Variants in GAD1 observed in about 807,000 individuals in gnomAD.
The protein encoded by GAD1 is 67 kDa glutamic acid decarboxylase.
GAD1 carries 35 observed loss-of-function variants against 75.2 expected under a neutral mutation model. That is an observed-to-expected ratio of 0.47 (90% CI 0.36 to 0.62). GAD1 has a LOEUF of 0.62. Ranked by LOEUF, GAD1 falls within the 20% of genes least tolerant of loss-of-function variation. The pLI, the probability that GAD1 is intolerant of heterozygous loss-of-function variation, is 0.00. For synonymous variants in GAD1, 257 were observed against 271.9 expected, an observed-to-expected ratio of 0.95 and a Z score of 0.54; for missense variants, 490 against 758.5, an observed-to-expected ratio of 0.65 and a Z score of 4.16.
chr2:170,848,496 CA>C (rs368907107), intron 11 of GAD1, among the ~76,000 whole-genome samples: 1,965 of 63,998 alleles, frequency 0.031, 30 homozygotes, highest in African/African-American at 0.088. Context: ...AACTCTGTCT[CA>C]AAAAAAAAAA....
At chr2:170,827,596 A>G (rs1490797159) in intron 3 of GAD1, among the ~76,000 whole-genome samples, 1 of 152,104 alleles carries the variant, frequency 6.6e-6, no homozygotes, top group Admixed American at 6.5e-5. Flanking sequence ...GGGCAGGAGA[A>G]CTTTCCACTC....
At chr2:170,835,357 A>G (rs1323937540) in intron 5 of GAD1, among the ~76,000 whole-genome samples, 1 of 152,216 alleles carries the variant, frequency 6.6e-6, no homozygotes, top group Non-Finnish European at 1.5e-5. Flanking sequence ...GCTTTAAAAA[A>G]TAATTCTTTC....
chr2:170,829,315 A>G, intron 3 of GAD1, 160 bp from the exon 4 acceptor site: 5 of 776,060 alleles, frequency 6.4e-6, no homozygotes, highest in Non-Finnish European at 8.6e-6. Flanking sequence ...CCCTGCCTGA[A>G]GGCGAGCAGT....
chr2:170,857,997 AT>A (rs2105814689), intron 15 of GAD1, among the ~76,000 whole-genome samples: 1 of 152,354 alleles, frequency 6.6e-6, no homozygotes, highest in East Asian at 1.9e-4. Flanking sequence ...ACATTATTCT[AT>A]TTATCAGGCA....
chr2:170,844,651 G>A (rs1702593706), intron 7 of GAD1, among the ~76,000 whole-genome samples: 1 of 152,042 alleles, frequency 6.6e-6, no homozygotes, highest in Admixed American at 6.6e-5. Context: ...TGATTATGCT[G>A]GGGATCAGTG....
intron 6 of GAD1, among the ~76,000 whole-genome samples, chr2:170,837,663 C>T (rs1013028822): frequency 6.6e-6 from 1 of 152,154 alleles, no homozygotes; most frequent in African/African-American, 2.4e-5. Context: ...TCTATACATC[C>T]AGACAATGGC....
chr2:170,858,407 A>G (rs1702897365), intron 15 of GAD1, among the ~76,000 whole-genome samples: 1 of 152,248 alleles, frequency 6.6e-6, no homozygotes, highest in Non-Finnish European at 1.5e-5. Context: ...AAAAGATTCA[A>G]TATCAATATA....
rs562769154 is a variant in GAD1, at chr2:170,859,848, T to C, written c.1751T>C (p.Ile584Thr). ...ACCCAGTCTGACATTGACTTCCTCA[T>C]TGAGGAGATAGAAAGACTGGGCCAG... ...AATQSDIDFL[I>T]EEIERLGQDL Residue 584 changes from isoleucine (I) to threonine (T), a missense_variant, in exon 17 of 17, where the codon ATT becomes ACT. Physicochemically the swap from Ile to Thr is moderately conservative, Grantham distance 89 (BLOSUM62 -1). Coordinates refer to ENST00000358196, the MANE Select transcript of GAD1 (RefSeq NM_000817.3). The C allele has an allele frequency of 3.1e-6, 5 of 1,614,180 alleles. No homozygotes were observed. Among genetic ancestry groups the C allele is most frequent in the Middle Eastern group, 1.6e-4 (1 of 6,062 alleles).
At chr2:170,859,604 A>T in intron 16 of GAD1, 105 bp from the exon 17 acceptor site, 1 of 1,118,640 alleles carries the variant, frequency 8.9e-7, no homozygotes, top group South Asian at 1.3e-5. Context: ...CTTTGCTTTT[A>T]TGTCAATGTA....
chr2:170,849,547 T>C (rs920090666), intron 12 of GAD1, among the ~76,000 whole-genome samples, 197 bp downstream of exon 12: 4 of 152,160 alleles, frequency 2.6e-5, no homozygotes, highest in African/African-American at 7.2e-5. Context: ...GAGTTCACAA[T>C]TTAGAAAGAA....
At chr2:170,829,823 C>A in intron 4 of GAD1, 190 bp downstream of exon 4, 1 of 630,186 alleles carries the variant, frequency 1.6e-6, no homozygotes, top group Admixed American at 2.9e-5. Context: ...AGGTCTCCAT[C>A]ATTTTGGAAA....
In GAD1 at chr2:170,854,450, G is replaced by C. The variant is rs1702809258; in HGVS notation, c.1413+428G>C. ...GAGTCTCACTCTGTAGCCCAGGCTG[G>C]AGTGCAGTGGCGCGATCTCGGCTCA... On this transcript the variant is annotated intron_variant, in intron 14 of 16. Transcript: ENST00000358196. Among the ~76,000 whole-genome samples, 3 of 148,650 alleles carry C rather than the reference G, an allele frequency of 2.0e-5. 1 individual carries two copies. In the Middle Eastern group the frequency reaches 0.01, roughly 520 times the overall value.
At chr2:170,821,742 G>A in intron 2 of GAD1, 2 of 331,498 alleles carry the variant, frequency 6.0e-6, no homozygotes, top group South Asian at 3.3e-5. Context: ...CAGCTCGATC[G>A]GAGCCTGGCC....
chr2:170,835,510 G>C (rs1702349682), intron 5 of GAD1, among the ~76,000 whole-genome samples: 1 of 152,116 alleles, frequency 6.6e-6, no homozygotes, highest in Non-Finnish European at 1.5e-5. Context: ...TAAGATTTGG[G>C]GGCACAAGGT....
Position 170,842,549 on chromosome 2 carries a change from T to TC in GAD1, c.639-1495dup, listed in dbSNP as rs747707630. The TC allele has an allele frequency of 1.9e-6, 3 of 1,612,170 alleles. No individual in the cohort carries two copies. In the East Asian group the frequency reaches 6.7e-5, roughly 36 times the overall value. ...GCACAGGCTAAACCAGGAATCCTTC[T>TC]CTTCTTCTTCCTTTATCAGGCCATC... On this transcript the variant is annotated intron_variant, in intron 6 of 16. Transcript: ENST00000358196.
At chr2:170,839,088 A>G (rs1702440604) in intron 6 of GAD1, among the ~76,000 whole-genome samples, 1 of 152,208 alleles carries the variant, frequency 6.6e-6, no homozygotes, top group African/African-American at 2.4e-5. Flanking sequence ...TTCCTTCTCC[A>G]GTCGGGAACA....
chr2:170,825,413 G>A (rs1220363562), intron 3 of GAD1, among the ~76,000 whole-genome samples: 1 of 152,104 alleles, frequency 6.6e-6, no homozygotes, highest in African/African-American at 2.4e-5. Context: ...ACAAACAAAT[G>A]AAAAAGAGCC....
At chr2:170,847,819 C>T (rs1032784877) in intron 11 of GAD1, 27 bp downstream of exon 11, 15 of 1,481,844 alleles carry the variant, frequency 1.0e-5, no homozygotes, top group Middle Eastern at 3.4e-4. Context: ...TCAGGCCAGT[C>T]CATGTGGGGG....
intron 14 of GAD1, 81 bp downstream of exon 14, chr2:170,854,103 C>T (rs958935514): frequency 2.1e-6 from 3 of 1,417,030 alleles, no homozygotes; most frequent in Non-Finnish European, 2.0e-6. Flanking sequence ...AAAGATATAT[C>T]ACAGATAATT....
Sources: allele counts gnomAD v4.1 joint callset (sites outside exome capture counted in the v4.1 genomes callset), GRCh38; gene constraint gnomAD v4.1.1; transcripts MANE v1.5; gene names NCBI Gene and HGNC (gene_info 2026-07-23, HGNC 2026-07-21).